Variants in MIOS observed in about 807,000 individuals in gnomAD.
MIOS encodes the protein meiosis regulator for oocyte development.
MIOS carries 52 observed loss-of-function variants against 96.9 expected under a neutral mutation model. That is an observed-to-expected ratio of 0.54 (90% confidence interval 0.43 to 0.68). MIOS has a LOEUF of 0.68. Ranked by LOEUF, MIOS falls within the 30% of genes least tolerant of loss-of-function variation. The probability of loss-of-function intolerance (pLI) is 0.00; values close to 1 mark genes in which losing one functional copy is unlikely to be tolerated. For synonymous variants in MIOS, 397 were observed against 359.5 expected (o/e 1.10, Z -1.18); for missense variants, 1,005 against 1,052.8 (o/e 0.95, Z 0.63).
At chr7:7,595,448 T>G (rs1784176731) in intron 10 of MIOS, among the ~76,000 whole-genome samples, 1 of 152,220 alleles carries the variant, frequency 6.6e-6, no homozygotes, top group Non-Finnish European at 1.5e-5. Context: ...TTTTTAGCAT[T>G]ATTTATGTGC....
rs1563040797 is a variant in MIOS at position 7,597,480 on chromosome 7, AT to A, written c.2401+1020del. On this transcript the variant is annotated intron_variant, in intron 11 of 12. Transcript: ENST00000340080. ...TTACCTAGTAAATTTATATATATAT[AT>A]ATATATATATATATATATATATATA... is the stretch of plus-strand genomic sequence containing the variant. 1.4e-3 allele frequency among the ~76,000 whole-genome samples: 46 copies of A among 32,940 alleles called. 2 individuals are homozygous for A. Among genetic ancestry groups the A allele is most frequent in the East Asian group, 0.01 (10 of 992 alleles). 21.6% of individuals were successfully genotyped at this position (32,940 alleles called of 152,430 possible).
At chr7:7,587,979 A>G (rs534408346) in intron 7 of MIOS, among the ~76,000 whole-genome samples, 6 of 152,298 alleles carry the variant, frequency 3.9e-5, no homozygotes, top group African/African-American at 9.6e-5. Context: ...CTATATAACA[A>G]CTTTAGCCAC....
intron 11 of MIOS, among the ~76,000 whole-genome samples, chr7:7,596,714 A>C (rs879501580): frequency 6.6e-6 from 1 of 152,242 alleles, no homozygotes; most frequent in African/African-American, 2.4e-5. Context: ...CTTAAATATG[A>C]AATAATCTTA....
chr7:7,601,908 C>T (rs1784390162), intron 11 of MIOS, among the ~76,000 whole-genome samples: 1 of 152,178 alleles, frequency 6.6e-6, no homozygotes, highest in South Asian at 2.1e-4. Flanking sequence ...GGATGCAAGG[C>T]TGGTTCAACA....
At chr7:7,589,377 T>C in intron 8 of MIOS, 28 bp from the exon 9 acceptor site, 2 of 1,605,474 alleles carry the variant, frequency 1.2e-6, no homozygotes, top group South Asian at 1.1e-5. Context: ...AACAGATTGC[T>C]TTAGAAAAAT....
In MIOS at chr7:7,572,089, A is replaced by G. The variant is rs1393112316; in HGVS notation, c.-40-347A>G. Among the ~76,000 whole-genome samples, 1 of 152,180 alleles carries G rather than the reference A, an allele frequency of 6.6e-6. No homozygotes were observed. The highest frequency in any genetic ancestry group is 1.5e-5 in the Non-Finnish European group (1 of 68,026). ...TGATTCATAAGTTTTCCCCCCTTCA[A>G]AGGGATAATACTTATTAATTTGCTT... is the stretch of plus-strand genomic sequence containing the variant. On this transcript the variant is annotated intron_variant, in intron 3 of 12. Coordinates refer to ENST00000340080, the MANE Select transcript of MIOS (RefSeq NM_019005.4). This position sits in a 1 kb window ranked among gnomAD's most constrained non-coding sequence, Gnocchi z 4.8.
chr7:7,607,289 A>C lies in MIOS; in HGVS notation c.*197A>C. 2.1e-6 allele frequency: 1 copy of C among 479,266 alleles called. No homozygotes were observed. Among genetic ancestry groups the C allele is most frequent in the Non-Finnish European group, 3.7e-6 (1 of 273,100 alleles). The allele number at this position is 479,266 out of a possible 1,614,324, so 29.7% of individuals were successfully genotyped here. A position where few individuals can be genotyped will look rare whatever the true frequency, so the allele number is the denominator to read the frequency against. On this transcript the variant is annotated 3_prime_UTR_variant, in exon 13 of 13. Coordinates refer to ENST00000340080, the MANE Select transcript of MIOS (RefSeq NM_019005.4). ...AGAGACAAATGCTGCCAAAATAAAC[A>C]TCGAAGTATAGACATGAGTTCTGTT... is the stretch of plus-strand genomic sequence containing the variant.
intron 6 of MIOS, 58 bp downstream of exon 6, chr7:7,583,430 A>G (rs1360588740): frequency 6.9e-7 from 1 of 1,455,906 alleles, no homozygotes; most frequent in African/African-American, 1.4e-5. Flanking sequence ...AGTTCATGGA[A>G]TCTTTTAAAG....
At chr7:7,601,857 C>T (rs1322248861) in intron 11 of MIOS, among the ~76,000 whole-genome samples, 1 of 152,278 alleles carries the variant, frequency 6.6e-6, no homozygotes, top group South Asian at 2.1e-4. Flanking sequence ...AGCAACACAT[C>T]AAAAAGCTTA....
At chr7:7,576,416 G>C (rs527768423) in intron 5 of MIOS, among the ~76,000 whole-genome samples, 2 of 152,282 alleles carry the variant, frequency 1.3e-5, no homozygotes, top group East Asian at 1.9e-4. Context: ...GGGAAGAACA[G>C]ACAGTTAATT....
At chr7:7,589,636 A>G in intron 9 of MIOS, 73 bp downstream of exon 9, 1 of 1,493,988 alleles carries the variant, frequency 6.7e-7, no homozygotes, top group Non-Finnish European at 9.0e-7. Flanking sequence ...TTGAAAGTAA[A>G]TATGCACTTT....
intron 11 of MIOS, among the ~76,000 whole-genome samples, chr7:7,598,854 G>A (rs1173095343): frequency 2.6e-5 from 4 of 152,000 alleles, no homozygotes; most frequent in East Asian, 1.9e-4. Flanking sequence ...CTAATATAAC[G>A]AATAGCACTC....
At chr7:7,590,409 T>C (rs138345759) in intron 9 of MIOS, among the ~76,000 whole-genome samples, 1 of 152,342 alleles carries the variant, frequency 6.6e-6, no homozygotes, top group Non-Finnish European at 1.5e-5. Flanking sequence ...AGTGTATGTA[T>C]ATGGCTGTAG....
intron 11 of MIOS, among the ~76,000 whole-genome samples, chr7:7,602,097 C>T (rs569931813): frequency 1.3e-5 from 2 of 152,126 alleles, no homozygotes; most frequent in Non-Finnish European, 2.9e-5. Context: ...CTATCTATGA[C>T]ACACCCACAG....
At chr7:7,592,788 G>C (rs1784086217) in intron 9 of MIOS, among the ~76,000 whole-genome samples, 1 of 152,090 alleles carries the variant, frequency 6.6e-6, no homozygotes, top group Non-Finnish European at 1.5e-5. Context: ...TGAGGGATGG[G>C]GAGCAGCCGT....
rs1784519519 is a variant in MIOS, at chr7:7,605,984, A to G, written c.2444A>G (p.Lys815Arg). Residue 815 changes from lysine to arginine, a missense_variant, in exon 12 of 13, where the codon AAA (lysine) becomes AGA (arginine). Coordinates refer to ENST00000340080, the MANE Select transcript of MIOS (RefSeq NM_019005.4). The stretch of plus-strand genomic sequence containing the variant: ...GAAAAAGTGGACTTGAGCAAGGACA[A>G]AAAATTAGCCCAATTTAACAACTGG... ...SDEKVDLSKD[K>R]KLAQFNNWFT... 1.9e-6 allele frequency: 3 copies of G among 1,613,976 alleles called. No homozygotes were observed. Among genetic ancestry groups the G allele is most frequent in the Admixed American group, 3.3e-5 (2 of 60,000 alleles).
intron 3 of MIOS, among the ~76,000 whole-genome samples, chr7:7,571,413 A>G (rs1379177934): frequency 3.3e-5 from 5 of 152,230 alleles, no homozygotes; most frequent in South Asian, 4.1e-4. Context: ...AGAGTGTGGT[A>G]TGTGTGTACC....
intron 5 of MIOS, among the ~76,000 whole-genome samples, chr7:7,577,725 G>A (rs1783583243): frequency 6.6e-6 from 1 of 152,144 alleles, no homozygotes. Context: ...GGATGTTTGA[G>A]TTTCAATAAC....
intron 11 of MIOS, among the ~76,000 whole-genome samples, chr7:7,602,917 C>G (rs1433156166): frequency 6.6e-6 from 1 of 152,116 alleles, no homozygotes; most frequent in Non-Finnish European, 1.5e-5. Flanking sequence ...ATAATGCCAC[C>G]TATCTACAAC....
Sources: gnomAD v4.1 joint callset for allele counts (sites outside exome capture counted in the v4.1 genomes callset) on GRCh38, gnomAD v4.1.1 for gene constraint, Gnocchi (gnomAD v3.1) non-coding constraint, MANE v1.5 for transcripts, NCBI Gene and HGNC (gene_info 2026-07-23, HGNC 2026-07-21) for gene names.